The following NKAIN3 variants were observed in gnomAD, a reference collection of about 807,000 sequenced individuals.
NKAIN3 encodes sodium/potassium transporting ATPase interacting 3.
Under a neutral mutation model 30.2 loss-of-function variants are expected in NKAIN3, and 25 were observed. The ratio of observed to expected loss-of-function variants is 0.83; its 90% CI spans 0.60 to 1.16. The LOEUF is 1.16. NKAIN3 is among the 50% of genes most tolerant of loss of function. The pLI, the probability that NKAIN3 is intolerant of heterozygous loss-of-function variation, is 0.00. For synonymous variants in NKAIN3, 91 were observed against 89.6 expected, an observed-to-expected ratio of 1.02 and a Z score of -0.09; for missense variants, 225 against 254.1, an observed-to-expected ratio of 0.89 and a Z score of 0.78.
At chr8:62,696,493 T>G (rs1814158325) in intron 3 of NKAIN3, among the ~76,000 whole-genome samples, 1 of 152,212 alleles carries the variant, frequency 6.6e-6, no homozygotes, top group Non-Finnish European at 1.5e-5. Flanking sequence ...TATCTCGGAC[T>G]TGAAGAGTTC....
rs1234979956 is a variant in NKAIN3, at chr8:62,289,280, C to T, written c.54+40153C>T. ...CATTTGTCAATTTTGGCTTTTGTTG[C>T]CTTTGCTTTTGGTGTTTTAGTCATG... On this transcript the variant is annotated intron_variant, in intron 1 of 6. Transcript: ENST00000623646. Among the ~76,000 whole-genome samples, 9 of 152,110 alleles carry T rather than the reference C, an allele frequency of 5.9e-5. No homozygotes were observed. In the East Asian group the frequency reaches 1.2e-3, roughly 20 times the overall value.
At chr8:62,764,260 T>C (rs1816766575) in intron 4 of NKAIN3, among the ~76,000 whole-genome samples, 1 of 152,188 alleles carries the variant, frequency 6.6e-6, no homozygotes, top group Non-Finnish European at 1.5e-5. Flanking sequence ...GAAGTACTAT[T>C]TTGCAGAATC....
intron 1 of NKAIN3, among the ~76,000 whole-genome samples, chr8:62,435,317 C>T (rs1805134014): frequency 6.6e-6 from 1 of 152,118 alleles, no homozygotes; most frequent in Non-Finnish European, 1.5e-5. Context: ...CAGATTCTGA[C>T]ACCTGAAGGT....
At chr8:62,574,996 G>C (rs532035368) in intron 1 of NKAIN3, among the ~76,000 whole-genome samples, 1 of 152,036 alleles carries the variant, frequency 6.6e-6, no homozygotes, top group East Asian at 1.9e-4. Flanking sequence ...CATATACAAT[G>C]GACCAACAGC....
chr8:62,883,457 G>GTTTTTTTTTTTTT (rs71559381), intron 4 of NKAIN3, among the ~76,000 whole-genome samples: 21 of 70,222 alleles, frequency 3.0e-4, no homozygotes, highest in African/African-American at 9.8e-4. Context: ...AGTTTTATGG[G>GTTTTTTTTTTTTT]TTTTTTTTTT....
At chr8:62,838,126 G>A (rs1050046241) in intron 4 of NKAIN3, among the ~76,000 whole-genome samples, 5 of 85,910 alleles carry the variant, frequency 5.8e-5, no homozygotes, top group Admixed American at 1.3e-4. Flanking sequence ...GAACAATACC[G>A]CTCTGTGTGT....
At position 62,966,893 on chromosome 8, in the gene NKAIN3, G is replaced by C. The variant is rs1449652049; in HGVS notation, c.*1486G>C. Among the ~76,000 whole-genome samples the C allele has an allele frequency of 1.3e-5, 2 of 152,032 alleles. No homozygotes were observed. The highest frequency in any genetic ancestry group is 2.1e-4 in the South Asian group (1 of 4,812). On this transcript the variant is annotated 3_prime_UTR_variant, in exon 7 of 7. Coordinates refer to ENST00000623646, the MANE Select transcript of NKAIN3 (RefSeq NM_001304533.3). The stretch of plus-strand genomic sequence containing the variant: ...GTGTGTGAAAGTCTTTTTTCTTCTT[G>C]TTCTTCTTTCGGAGCCTATAGGTTT...
At chr8:62,819,998 T>C (rs1818804258) in intron 4 of NKAIN3, among the ~76,000 whole-genome samples, 1 of 152,108 alleles carries the variant, frequency 6.6e-6, no homozygotes, top group African/African-American at 2.4e-5. Context: ...AAAAAGCTTA[T>C]GTTAGGAAAA....
At chr8:62,853,798 T>G (rs1450103562) in intron 4 of NKAIN3, among the ~76,000 whole-genome samples, 2 of 152,180 alleles carry the variant, frequency 1.3e-5, no homozygotes, top group African/African-American at 4.8e-5. Flanking sequence ...GTTAAGTTGT[T>G]AACTCGAGAT....
intron 4 of NKAIN3, among the ~76,000 whole-genome samples, chr8:62,894,381 G>T (rs939515625): frequency 9.9e-5 from 15 of 152,062 alleles, no homozygotes; most frequent in African/African-American, 3.4e-4. Flanking sequence ...TCTTTTTCTT[G>T]AACACTCGAG....
chr8:62,415,276 A>G (rs1804407620), intron 1 of NKAIN3, among the ~76,000 whole-genome samples: 1 of 144,516 alleles, frequency 6.9e-6, no homozygotes, highest in South Asian at 2.1e-4. Flanking sequence ...ACTATAGTAT[A>G]TATTATATAC....
chr8:62,530,984 A>G (rs193074797), intron 1 of NKAIN3, among the ~76,000 whole-genome samples: 15 of 152,132 alleles, frequency 9.9e-5, no homozygotes, highest in Non-Finnish European at 1.8e-4. Flanking sequence ...CTCACTCCCT[A>G]TGAGTAGTCT....
At chr8:62,797,713 C>T (rs1054546623) in intron 4 of NKAIN3, among the ~76,000 whole-genome samples, 1 of 152,108 alleles carries the variant, frequency 6.6e-6, no homozygotes, top group Non-Finnish European at 1.5e-5. Flanking sequence ...TTGTATGCCC[C>T]AGAAACTCAT....
At chr8:62,664,879 T>G (rs1204289172) in intron 3 of NKAIN3, among the ~76,000 whole-genome samples, 2 of 152,230 alleles carry the variant, frequency 1.3e-5, no homozygotes, top group African/African-American at 4.8e-5. Context: ...AATTCAGTCC[T>G]TGGCCCTTTT....
intron 1 of NKAIN3, among the ~76,000 whole-genome samples, chr8:62,443,557 A>G (rs1347298262): frequency 6.6e-6 from 1 of 151,526 alleles, no homozygotes; most frequent in African/African-American, 2.4e-5. Context: ...CTAATTTTAT[A>G]TTTTTAGTTC....
intron 5 of NKAIN3, among the ~76,000 whole-genome samples, chr8:62,937,011 T>TTA: frequency 6.6e-6 from 1 of 152,080 alleles, no homozygotes; most frequent in Admixed American, 6.5e-5. Context: ...TCATATTATA[T>TTA]TATATATTAA....
At chr8:62,774,067 G>A (rs1018243864) in intron 4 of NKAIN3, among the ~76,000 whole-genome samples, 1 of 152,102 alleles carries the variant, frequency 6.6e-6, no homozygotes, top group Non-Finnish European at 1.5e-5. Flanking sequence ...ATTTTTCTGT[G>A]TCTTAAATTT....
chr8:62,906,143 T>C (rs779987244), intron 4 of NKAIN3, among the ~76,000 whole-genome samples: 1 of 152,292 alleles, frequency 6.6e-6, no homozygotes, highest in Non-Finnish European at 1.5e-5. Flanking sequence ...AAAAGAGATA[T>C]GAAACTTGTG....
chr8:62,760,595 G>C (rs1173785001), intron 4 of NKAIN3, among the ~76,000 whole-genome samples: 1 of 148,678 alleles, frequency 6.7e-6, no homozygotes, highest in African/African-American at 2.5e-5. Context: ...ATGGACACAG[G>C]AAGGGGAACA....
Sources: gnomAD v4.1 joint callset for allele counts (sites outside exome capture counted in the v4.1 genomes callset) on GRCh38, gnomAD v4.1.1 for gene constraint, MANE v1.5 for transcripts, NCBI Gene and HGNC (gene_info 2026-07-23, HGNC 2026-07-21) for gene names.